The following NRXN3 variants were observed in gnomAD, a reference collection of about 807,000 sequenced individuals.
NRXN3 encodes neurexin 3.
A neutral mutation model predicts 137.6 loss-of-function variants in NRXN3; 32 were observed. That is an observed-to-expected ratio of 0.23 (90% CI 0.18 to 0.31). The LOEUF (loss-of-function observed/expected upper bound fraction) is 0.31. Among genes scored for constraint, NRXN3 ranks in the 10% least tolerant of loss-of-function variants. The probability of loss-of-function intolerance (pLI) is 1.00; values close to 1 mark genes in which losing one functional copy is unlikely to be tolerated. For synonymous variants in NRXN3, 798 were observed against 784.5 expected (o/e 1.02, Z -0.29); for missense variants, 1,574 against 2,062.5 (o/e 0.76, Z 4.59).
chr14:79,586,110 A>G (rs1320879404), intron 16 of NRXN3, among the ~76,000 whole-genome samples: 1 of 152,230 alleles, frequency 6.6e-6, no homozygotes, highest in African/African-American at 2.4e-5. Context: ...TATGCCAAAT[A>G]CTTGGCATTC....
chr14:78,378,828 A>G (rs1159347851), intron 4 of NRXN3, among the ~76,000 whole-genome samples: 1 of 152,172 alleles, frequency 6.6e-6, no homozygotes, highest in African/African-American at 2.4e-5. Flanking sequence ...TAGAACATCA[A>G]TGAAACAAAT....
At chr14:79,531,742 T>C (rs916430138) in intron 16 of NRXN3, among the ~76,000 whole-genome samples, 15 of 152,210 alleles carry the variant, frequency 9.9e-5, no homozygotes, top group African/African-American at 2.4e-5. Flanking sequence ...TCCAGTTTAA[T>C]ACTATTTGGG....
At chr14:79,031,928 A>T (rs1041619393) in intron 15 of NRXN3, among the ~76,000 whole-genome samples, 5 of 152,132 alleles carry the variant, frequency 3.3e-5, no homozygotes, top group Admixed American at 6.6e-5. Context: ...TTTGTGAAGA[A>T]GTCTGTTAGG....
intron 16 of NRXN3, among the ~76,000 whole-genome samples, chr14:79,619,180 T>A (rs2098194404): frequency 6.6e-6 from 1 of 152,184 alleles, no homozygotes; most frequent in Admixed American, 6.5e-5. Flanking sequence ...GATAGTTTCT[T>A]TTGCTGTGCA....
At chr14:79,746,833 T>G (rs1398476227) in intron 19 of NRXN3, among the ~76,000 whole-genome samples, 8 of 152,050 alleles carry the variant, frequency 5.3e-5, no homozygotes, top group Non-Finnish European at 8.8e-5. Flanking sequence ...TAAAACTATT[T>G]AGACAGTTAC....
intron 16 of NRXN3, among the ~76,000 whole-genome samples, chr14:79,633,977 C>T (rs779505574): frequency 1.5e-4 from 23 of 151,726 alleles, no homozygotes; most frequent in Non-Finnish European, 3.1e-4. Flanking sequence ...GCTGTACTAA[C>T]AAACATTCCA....
intron 15 of NRXN3, among the ~76,000 whole-genome samples, chr14:79,398,112 G>T (rs1400351856): frequency 1.3e-5 from 2 of 152,154 alleles, no homozygotes; most frequent in Non-Finnish European, 1.5e-5. Flanking sequence ...AATCTTAAGA[G>T]CACTCTGAAC....
At chr14:78,279,330 A>G (rs1474034539) in intron 3 of NRXN3, among the ~76,000 whole-genome samples, 1 of 152,236 alleles carries the variant, frequency 6.6e-6, no homozygotes, top group Non-Finnish European at 1.5e-5. Context: ...TTGCGTGTGT[A>G]TAGACAAATA....
chr14:78,653,780 A>G (rs550661511), intron 6 of NRXN3, among the ~76,000 whole-genome samples: 5 of 152,084 alleles, frequency 3.3e-5, no homozygotes, highest in South Asian at 4.2e-4. Flanking sequence ...AAGCTTCAAA[A>G]GTCTGTCAGA....
At chr14:78,922,591 T>C (rs2152827753) in intron 10 of NRXN3, among the ~76,000 whole-genome samples, 1 of 152,260 alleles carries the variant, frequency 6.6e-6, no homozygotes, top group South Asian at 2.1e-4. Flanking sequence ...AATAGTGTTC[T>C]TCAGGAACAG....
At chr14:78,501,231 C>G (rs1048623033) in intron 4 of NRXN3, among the ~76,000 whole-genome samples, 5 of 152,184 alleles carry the variant, frequency 3.3e-5, no homozygotes, top group African/African-American at 1.2e-4. Flanking sequence ...AACTCAGAAT[C>G]TCTCAGAAGG....
rs187949926 is a variant in NRXN3 at position 79,384,898 on chromosome 14, A to G, written c.3263-82323A>G. 5.1e-4 allele frequency among the ~76,000 whole-genome samples: 78 copies of G among 152,334 alleles called. 1 individual carries two copies. Among genetic ancestry groups the G allele is most frequent in the African/African-American group, 1.7e-3 (72 of 41,584 alleles). On this transcript the variant is annotated intron_variant, in intron 15 of 20. Transcript: ENST00000335750. ...CAGCTATTGGAACAATCGCTGCTGT[A>G]TAATAAACCATCAATAATTCTTAGC...
At chr14:78,325,697 T>C (rs1330295034) in intron 4 of NRXN3, among the ~76,000 whole-genome samples, 1 of 151,928 alleles carries the variant, frequency 6.6e-6, no homozygotes, top group Non-Finnish European at 1.5e-5. Flanking sequence ...GGTCAGGGGA[T>C]CTAGATTCTT....
chr14:79,574,009 C>A (rs1156671720), intron 16 of NRXN3, among the ~76,000 whole-genome samples: 1 of 151,992 alleles, frequency 6.6e-6, no homozygotes, highest in East Asian at 1.9e-4. Flanking sequence ...TCATTAAAAT[C>A]TTTTCTAATC....
chr14:78,802,734 T>TC (rs1293100310), intron 8 of NRXN3, among the ~76,000 whole-genome samples: 1 of 152,100 alleles, frequency 6.6e-6, no homozygotes, highest in African/African-American at 2.4e-5. Context: ...TTGTTTGAGG[T>TC]CAGGAGTTCA....
intron 19 of NRXN3, among the ~76,000 whole-genome samples, chr14:79,708,394 A>G (rs1024449029): frequency 6.6e-6 from 1 of 152,126 alleles, no homozygotes; most frequent in African/African-American, 2.4e-5. Flanking sequence ...GAACCAATCA[A>G]TCCCCCACAG....
At chr14:79,058,130 G>A (rs911836109) in intron 15 of NRXN3, among the ~76,000 whole-genome samples, 2 of 152,040 alleles carry the variant, frequency 1.3e-5, no homozygotes, top group Non-Finnish European at 2.9e-5. Flanking sequence ...GGGGTCAGTA[G>A]AGAGTTGTGG....
intron 15 of NRXN3, among the ~76,000 whole-genome samples, chr14:79,367,995 G>A (rs567173636): frequency 6.8e-4 from 104 of 152,202 alleles, no homozygotes; most frequent in Non-Finnish European, 1.1e-3. Flanking sequence ...AAAAAGATCA[G>A]GGTTCCTGAA....
At chr14:78,177,623 C>T (rs1488039820) in intron 1 of NRXN3, among the ~76,000 whole-genome samples, 2 of 151,932 alleles carry the variant, frequency 1.3e-5, no homozygotes, top group Non-Finnish European at 2.9e-5. Context: ...TTCTTTAAGA[C>T]GACATCACAC....
Sources: allele counts gnomAD v4.1 joint callset (sites outside exome capture counted in the v4.1 genomes callset), GRCh38; gene constraint gnomAD v4.1.1; transcripts MANE v1.5; gene names NCBI Gene and HGNC (gene_info 2026-07-23, HGNC 2026-07-21).